Variants in SYTL5 observed in about 807,000 individuals in gnomAD.
The protein encoded by SYTL5 is synaptotagmin like 5.
SYTL5 carries 34 observed loss-of-function variants against 55.9 expected under a neutral mutation model. That is an observed-to-expected ratio of 0.61 (90% confidence interval 0.46 to 0.81). The LOEUF (loss-of-function observed/expected upper bound fraction) is 0.81, where lower values mean the gene tolerates loss of function less well. SYTL5 is among the 30% of genes least tolerant of loss of function. SYTL5 has a pLI of 0.00. For missense variants in SYTL5, 637 were observed against 546.7 expected, an observed-to-expected ratio of 1.17 and a Z score of -1.65; for synonymous variants, 221 against 188.7, an observed-to-expected ratio of 1.17 and a Z score of -1.40.
chrX:38,124,021 G>A lies in SYTL5; in HGVS notation c.1842-1277G>A, dbSNP rs766020982. On this transcript the variant is annotated intron_variant, in intron 15 of 16. Coordinates refer to ENST00000297875, the MANE Select transcript of SYTL5 (RefSeq NM_138780.3). ...CATGTAAACAAAGACTGAAGGTAAG[G>A]TCCCCAGTGCAGGTATGGAAGCATC... Among the ~76,000 whole-genome samples, 3 of 111,441 alleles carry A rather than the reference G, an allele frequency of 2.7e-5. 1 individual carries two copies. In the South Asian group the frequency reaches 1.1e-3, roughly 43 times the overall value.
At chrX:38,096,910 A>G (rs961579003) in intron 9 of SYTL5, among the ~76,000 whole-genome samples, 8 of 111,400 alleles carry the variant, frequency 7.2e-5, no homozygotes, top group African/African-American at 2.6e-4. Flanking sequence ...TACCTCCAAA[A>G]GAGAGATGGG....
In SYTL5 at chrX:38,034,154, C is replaced by T. The variant is rs184275826; in HGVS notation, c.119+146C>T. ...GAGTTCTCATCAGTAGCCCAAATAT[C>T]GGAAAACTTTGGCATTTCACCATTT... On this transcript the variant is annotated intron_variant, in intron 2 of 16. Coordinates refer to ENST00000297875, the MANE Select transcript of SYTL5 (RefSeq NM_138780.3). The T allele has an allele frequency of 2.2e-4, 66 of 300,473 alleles. No individual in the cohort carries two copies. In the East Asian group the frequency reaches 2.9e-3, roughly 13 times the overall value. The allele number at this position is 300,473 out of a possible 1,213,427, so 24.8% of individuals were successfully genotyped here.
At chrX:38,097,393 A>C (rs1338613296) in intron 9 of SYTL5, among the ~76,000 whole-genome samples, 1 of 110,831 alleles carries the variant, frequency 9.0e-6, no homozygotes, top group Non-Finnish European at 1.9e-5. Flanking sequence ...ACAAAAATCA[A>C]CTGTATTTAT....
the SYTL5 span, among the ~76,000 whole-genome samples, chrX:37,987,051 A>T: frequency 9.0e-6 from 1 of 111,181 alleles, no homozygotes. Context: ...CAAATACTTT[A>T]CTAGTCTGGG....
chrX:38,116,430 T>A (rs1021472273), intron 13 of SYTL5, among the ~76,000 whole-genome samples: 3 of 112,490 alleles, frequency 2.7e-5, no homozygotes, highest in African/African-American at 9.7e-5. Flanking sequence ...TTAATTTTGT[T>A]TGAATTTCGT....
At chrX:38,095,489 G>T (rs1341859962) in intron 8 of SYTL5, among the ~76,000 whole-genome samples, 1 of 111,773 alleles carries the variant, frequency 8.9e-6, no homozygotes, top group East Asian at 2.8e-4. Flanking sequence ...GAAATAAGCT[G>T]TCCTGACTTG....
the SYTL5 span, among the ~76,000 whole-genome samples, chrX:37,899,455 T>C: frequency 1.8e-5 from 2 of 112,014 alleles, no homozygotes; most frequent in African/African-American, 6.5e-5. Context: ...TTAGGAAACT[T>C]AGGCTCAGAA....
chrX:37,960,693 C>A, the SYTL5 span, among the ~76,000 whole-genome samples: 104 of 111,050 alleles, frequency 9.4e-4, 1 homozygote, highest in Non-Finnish European at 1.6e-3. Context: ...TGAGCCCTCA[C>A]CAGAGTCACT....
intron 3 of SYTL5, among the ~76,000 whole-genome samples, chrX:38,064,065 A>ATGTGTG (rs1417927676): frequency 1.0e-5 from 1 of 96,728 alleles, no homozygotes; most frequent in African/African-American, 4.3e-5. Flanking sequence ...ATACATATAT[A>ATGTGTG]TATGTGTGTG....
At chrX:37,949,435 T>C in the SYTL5 span, 6 of 111,754 alleles carry the variant, frequency 5.4e-5, no homozygotes, top group Non-Finnish European at 1.1e-4. Flanking sequence ...TCATTGCAGT[T>C]TGTTTATTAT....
intron 1 of SYTL5, among the ~76,000 whole-genome samples, chrX:38,019,986 A>G (rs186117792): frequency 8.0e-4 from 89 of 111,536 alleles, no homozygotes; most frequent in Admixed American, 3.1e-3. Flanking sequence ...ACGAACATTT[A>G]TATGCTCTAT....
intron 4 of SYTL5, 34 bp from the exon 5 acceptor site, chrX:38,073,556 A>G (rs1936318530): frequency 9.7e-7 from 1 of 1,025,700 alleles, no homozygotes; most frequent in South Asian, 2.2e-5. Context: ...GCCATTTTGT[A>G]TGTAAATTTC....
chrX:37,899,821 G>T, the SYTL5 span, among the ~76,000 whole-genome samples: 213 of 111,225 alleles, frequency 1.9e-3, 1 homozygote, highest in African/African-American at 6.6e-3. Context: ...CAGTCAGCTT[G>T]TAATGGTTTA....
chrX:37,991,927 T>C, the SYTL5 span, among the ~76,000 whole-genome samples: 2 of 112,421 alleles, frequency 1.8e-5, no homozygotes, highest in Admixed American at 1.9e-4. Context: ...TTGTCCTCTC[T>C]TCAGGACACT....
intron 2 of SYTL5, among the ~76,000 whole-genome samples, chrX:38,038,048 G>C (rs888943742): frequency 1.1e-4 from 12 of 111,267 alleles, no homozygotes; most frequent in Admixed American, 5.8e-4. Context: ...TTCTTACTCA[G>C]CTTTTTACTC....
At chrX:38,030,671 T>C (rs1934926688) in intron 1 of SYTL5, among the ~76,000 whole-genome samples, 2 of 111,582 alleles carry the variant, frequency 1.8e-5, no homozygotes, top group African/African-American at 3.3e-5. Flanking sequence ...CACACAGATA[T>C]CAAACTAGAA....
At chrX:37,895,433 C>CTTCT in the SYTL5 span, among the ~76,000 whole-genome samples, 161 of 91,212 alleles carry the variant, frequency 1.8e-3, no homozygotes, top group African/African-American at 8.0e-3. Context: ...TCCTTCCTTC[C>CTTCT]TTCCTTCCTT....
chrX:38,007,551 G>A (rs562153481), intron 1 of SYTL5, among the ~76,000 whole-genome samples: 45 of 111,789 alleles, frequency 4.0e-4, no homozygotes, highest in African/African-American at 1.3e-3. Context: ...TTGTTTACAT[G>A]TAATAATGCA....
intron 3 of SYTL5, among the ~76,000 whole-genome samples, chrX:38,067,100 T>A (rs1369568650): frequency 8.9e-6 from 1 of 111,992 alleles, no homozygotes; most frequent in Non-Finnish European, 1.9e-5. Context: ...CAATCTGTTC[T>A]GGTATTTTCT....
Sources: allele counts gnomAD v4.1 joint callset (sites outside exome capture counted in the v4.1 genomes callset), GRCh38; gene constraint gnomAD v4.1.1; transcripts MANE v1.5; gene names NCBI Gene and HGNC (gene_info 2026-07-23, HGNC 2026-07-21).